Variants in CELF2 observed in about 807,000 individuals in gnomAD.
CELF2 encodes the protein CUG triplet repeat RNA-binding protein 2.
Under a neutral mutation model 62.6 loss-of-function variants are expected in CELF2, and 8 were observed. That is an observed-to-expected ratio of 0.13 (90% CI 0.07 to 0.23). CELF2 has a LOEUF of 0.23. CELF2 is among the 10% of genes least tolerant of loss of function. The pLI, the probability that CELF2 is intolerant of heterozygous loss-of-function variation, is 1.00. For missense variants in CELF2, 333 were observed against 671.0 expected, an observed-to-expected ratio of 0.50 and a Z score of 5.56; for synonymous variants, 258 against 250.0, an observed-to-expected ratio of 1.03 and a Z score of -0.30.
At chr10:10,654,898 G>C in the CELF2 span, among the ~76,000 whole-genome samples, 63 of 149,294 alleles carry the variant, frequency 4.2e-4, no homozygotes, top group South Asian at 1.6e-3. Flanking sequence ...GAAATAAAGG[G>C]TATTCAATTA....
intron 1 of CELF2, among the ~76,000 whole-genome samples, chr10:11,100,134 G>A (rs1344984428): frequency 1.3e-5 from 2 of 152,070 alleles, no homozygotes; most frequent in Non-Finnish European, 2.9e-5. Context: ...GACCCAGGAG[G>A]CAGAGGTTGC....
At chr10:11,127,919 C>T (rs2058994912) in intron 1 of CELF2, among the ~76,000 whole-genome samples, 1 of 152,176 alleles carries the variant, frequency 6.6e-6, no homozygotes. Flanking sequence ...GCTTCTGTTG[C>T]CATTGCTTTT....
Position 11,300,626 on chromosome 10 carries a change from C to CG in CELF2, c.976+12080dup, listed in dbSNP as rs956051078. ...GTTATTGTGGAATAATTAGGCCTCA[C>CG]GGGGGGAGAGGCGTAGTATATTAAT... On this transcript the variant is annotated intron_variant, in intron 9 of 12. Transcript: ENST00000633077. This position sits in a 1 kb window ranked among gnomAD's most constrained non-coding sequence, Gnocchi z 5.5. Among the ~76,000 whole-genome samples the CG allele has an allele frequency of 3.9e-5, 6 of 152,050 alleles. No individual in the cohort carries two copies. The highest frequency in any genetic ancestry group is 7.2e-5 in the African/African-American group (3 of 41,400).
chr10:11,020,893 C>T (rs773434931), intron 1 of CELF2, among the ~76,000 whole-genome samples: 6 of 152,048 alleles, frequency 3.9e-5, no homozygotes, highest in Non-Finnish European at 7.4e-5. Flanking sequence ...TTTAAACATT[C>T]GGTATCAAAA....
At chr10:11,152,882 C>A (rs564811102) in intron 1 of CELF2, among the ~76,000 whole-genome samples, 57 of 152,264 alleles carry the variant, frequency 3.7e-4, no homozygotes, top group African/African-American at 1.3e-3. Context: ...ATCCAGCACC[C>A]CAGCATCGAG....
At chr10:11,025,239 G>GTGTGTGTATATATGTATGTA (rs61580670) in intron 1 of CELF2, among the ~76,000 whole-genome samples, 1 of 140,998 alleles carries the variant, frequency 7.1e-6, no homozygotes. Context: ...GTGTGTGTGT[G>GTGTGTGTATATATGTATGTA]TATATGTATG....
intron 1 of CELF2, among the ~76,000 whole-genome samples, chr10:11,051,655 T>A (rs959338665): frequency 2.0e-5 from 3 of 152,168 alleles, no homozygotes; most frequent in African/African-American, 7.2e-5. Flanking sequence ...GGGAGACAGA[T>A]GTTAATCAGA....
chr10:10,823,675 G>C (rs1335268327), intron 1 of CELF2, among the ~76,000 whole-genome samples: 1 of 152,098 alleles, frequency 6.6e-6, no homozygotes, highest in Non-Finnish European at 1.5e-5. Flanking sequence ...ATGCGGCAGA[G>C]ATAATCGTAT....
At chr10:11,283,103 G>A (rs2089587888) in intron 8 of CELF2, among the ~76,000 whole-genome samples, 1 of 152,152 alleles carries the variant, frequency 6.6e-6, no homozygotes. Flanking sequence ...GAGTTGGGAG[G>A]ACCATGAAAG....
the CELF2 span, among the ~76,000 whole-genome samples, chr10:10,764,002 A>G: frequency 2.6e-4 from 39 of 152,356 alleles, no homozygotes; most frequent in African/African-American, 8.7e-4. Context: ...TGTCTGAAAG[A>G]GTTTTAAATG....
intron 2 of CELF2, among the ~76,000 whole-genome samples, chr10:10,942,401 T>C (rs2047151700): frequency 6.6e-6 from 1 of 152,212 alleles, no homozygotes; most frequent in African/African-American, 2.4e-5. Flanking sequence ...TTTGTGTAGT[T>C]GTTGGAAGGA....
chr10:11,122,417 A>T (rs147850105), intron 1 of CELF2, among the ~76,000 whole-genome samples: 10 of 152,358 alleles, frequency 6.6e-5, no homozygotes, highest in African/African-American at 2.2e-4. Flanking sequence ...AAAGGCTTTT[A>T]TGTTGTTCAG....
At chr10:10,595,959 A>G in the CELF2 span, among the ~76,000 whole-genome samples, 5 of 152,140 alleles carry the variant, frequency 3.3e-5, no homozygotes, top group African/African-American at 9.7e-5. Context: ...TGCTCTGCCT[A>G]TGGGGTCACT....
At position 10,924,817 on chromosome 10, in the gene CELF2, G is replaced by C. The variant is rs936489873; in HGVS notation, c.89+4818G>C. Reference sequence around the variant, plus strand: ...AACCCCCAATACCTAGAACACTGGCGTATACCATAGGATTACTGTCTGAGA... The same window carrying C: ...AACCCCCAATACCTAGAACACTGGCCTATACCATAGGATTACTGTCTGAGA... On this transcript the variant is annotated intron_variant, in intron 2 of 13. Coordinates refer to the CELF2 transcript ENST00000636488. Among the ~76,000 whole-genome samples the C allele has an allele frequency of 2.2e-5, 3 of 138,154 alleles. No homozygotes were observed. In the Admixed American group the frequency reaches 2.4e-4, roughly 11 times the overall value. The allele number at this position is 138,154 out of a possible 152,430, so 90.6% of individuals were successfully genotyped here.
At chr10:11,198,590 A>G (rs769231065) in intron 2 of CELF2, among the ~76,000 whole-genome samples, 2 of 152,366 alleles carry the variant, frequency 1.3e-5, no homozygotes, top group African/African-American at 2.4e-5. Context: ...TTCTGAAAGC[A>G]GTCAGAACAT....
intron 2 of CELF2, among the ~76,000 whole-genome samples, chr10:11,171,695 C>A (rs11813682): frequency 6.6e-6 from 1 of 152,192 alleles, no homozygotes; most frequent in East Asian, 1.9e-4. Context: ...ATGACCAGCT[C>A]ATGCAGAGAA....
chr10:11,100,830 G>C (rs2051386404), intron 1 of CELF2, among the ~76,000 whole-genome samples: 3 of 152,292 alleles, frequency 2.0e-5, no homozygotes, highest in South Asian at 4.1e-4. Flanking sequence ...TTGTTGTCAA[G>C]GGAGGTCTCC....
At chr10:11,085,643 A>C (rs540594333) in intron 1 of CELF2, among the ~76,000 whole-genome samples, 4 of 152,090 alleles carry the variant, frequency 2.6e-5, no homozygotes, top group Non-Finnish European at 5.9e-5. Flanking sequence ...CTAAAGTTAC[A>C]TATTGGGAAT....
At chr10:10,764,229 T>C in the CELF2 span, among the ~76,000 whole-genome samples, 2 of 152,220 alleles carry the variant, frequency 1.3e-5, no homozygotes, top group African/African-American at 2.4e-5. Flanking sequence ...CAATAATTCA[T>C]ATTTGAAAGG....
Sources: allele counts gnomAD v4.1 joint callset (sites outside exome capture counted in the v4.1 genomes callset), GRCh38; gene constraint gnomAD v4.1.1; non-coding constraint Gnocchi (gnomAD v3.1); transcripts MANE v1.5; gene names NCBI Gene and HGNC (gene_info 2026-07-23, HGNC 2026-07-21).